Variants in KLF8 observed in about 807,000 individuals in gnomAD.
KLF8 encodes the protein KLF transcription factor 8, also known as Krueppel-like factor 8.
Under a neutral mutation model 18.2 loss-of-function variants are expected in KLF8, and 10 were observed. The observed-to-expected ratio is 0.55, with a 90% confidence interval of 0.34 to 0.93. The LOEUF (loss-of-function observed/expected upper bound fraction) is 0.93, where lower values mean the gene tolerates loss of function less well. KLF8 is among the 40% of genes least tolerant of loss of function. The probability of loss-of-function intolerance (pLI) is 0.02; values close to 1 mark genes in which losing one functional copy is unlikely to be tolerated. For missense variants in KLF8, 264 were observed against 277.9 expected (o/e 0.95, Z 0.36); for synonymous variants, 109 against 97.3 (o/e 1.12, Z -0.71).
chrX:56,030,739 C>T, the KLF8 span, among the ~76,000 whole-genome samples: 2 of 107,544 alleles, frequency 1.9e-5, no homozygotes, highest in Non-Finnish European at 3.8e-5. Context: ...GGCCTCTCTG[C>T]TTGGTAAGGG....
At chrX:56,015,178 AT>A in the KLF8 span, 3 of 111,068 alleles carry the variant, frequency 2.7e-5, no homozygotes, top group Non-Finnish European at 3.8e-5. Flanking sequence ...TAAAAATATA[AT>A]TTTTCCCCAT....
chrX:56,128,160 A>C, the KLF8 span, among the ~76,000 whole-genome samples: 1 of 112,375 alleles, frequency 8.9e-6, no homozygotes, highest in African/African-American at 3.2e-5. Context: ...AGGATATTTA[A>C]AAGAGTATAG....
the KLF8 span, among the ~76,000 whole-genome samples, chrX:56,083,624 G>T: frequency 1.8e-5 from 2 of 111,762 alleles, no homozygotes; most frequent in African/African-American, 6.5e-5. Flanking sequence ...TCTATAGCAG[G>T]AGTCTCCAAC....
the KLF8 span, among the ~76,000 whole-genome samples, chrX:56,202,576 T>A: frequency 7.0e-5 from 2 of 28,467 alleles, no homozygotes; most frequent in African/African-American, 1.0e-4. Flanking sequence ...CCCTCCCACC[T>A]GCACTCCATT....
chrX:56,005,061 G>T, the KLF8 span, among the ~76,000 whole-genome samples: 1 of 105,511 alleles, frequency 9.5e-6, no homozygotes, highest in Non-Finnish European at 1.9e-5. Context: ...ATTATTATTT[G>T]AGATGGAGTC....
the KLF8 span, among the ~76,000 whole-genome samples, chrX:56,073,233 C>G: frequency 9.0e-6 from 1 of 111,491 alleles, no homozygotes; most frequent in African/African-American, 3.3e-5. Context: ...GTGATCCGAC[C>G]GCCTCAGCCT....
the KLF8 span, among the ~76,000 whole-genome samples, chrX:56,155,906 G>A: frequency 9.0e-6 from 1 of 111,487 alleles, no homozygotes; most frequent in South Asian, 3.8e-4. Context: ...GAGAACATGT[G>A]GTGTTTGATT....
At chrX:56,082,928 T>A in the KLF8 span, among the ~76,000 whole-genome samples, 1 of 112,219 alleles carries the variant, frequency 8.9e-6, no homozygotes, top group African/African-American at 3.2e-5. Context: ...CTTTTATATG[T>A]GACAGGTCAC....
the KLF8 span, among the ~76,000 whole-genome samples, chrX:56,093,980 G>A: frequency 9.4e-6 from 1 of 106,044 alleles, no homozygotes; most frequent in Non-Finnish European, 2.0e-5. Flanking sequence ...TAAGAGAGGA[G>A]ATAAATGGAA....
At chrX:56,134,982 G>C in the KLF8 span, among the ~76,000 whole-genome samples, 1 of 110,705 alleles carries the variant, frequency 9.0e-6, no homozygotes, top group Admixed American at 9.7e-5. Context: ...TACTCCCACA[G>C]TGCAATAAAA....
the KLF8 span, among the ~76,000 whole-genome samples, chrX:56,109,148 G>A: frequency 9.0e-6 from 1 of 111,127 alleles, no homozygotes; most frequent in Non-Finnish European, 1.9e-5. Context: ...TGTAATCCCA[G>A]CACTTGGAGA....
At chrX:55,989,273 C>G in the KLF8 span, among the ~76,000 whole-genome samples, 7 of 111,996 alleles carry the variant, frequency 6.3e-5, no homozygotes, top group East Asian at 5.6e-4. Flanking sequence ...GCATCCCTGT[C>G]TTGTGCCAGT....
chrX:56,173,205 T>C, the KLF8 span, among the ~76,000 whole-genome samples: 1 of 111,560 alleles, frequency 9.0e-6, no homozygotes, highest in Non-Finnish European at 1.9e-5. Flanking sequence ...ATGGCCTAGG[T>C]TTTCTTGTAG....
At chrX:56,263,009 A>T (rs992785712) in intron 2 of KLF8, among the ~76,000 whole-genome samples, 4 of 112,044 alleles carry the variant, frequency 3.6e-5, no homozygotes, top group Non-Finnish European at 5.6e-5. Context: ...AAGAGATAAC[A>T]TTTTTTCTTT....
At chrX:56,186,779 G>A in the KLF8 span, among the ~76,000 whole-genome samples, 1 of 111,986 alleles carries the variant, frequency 8.9e-6, no homozygotes, top group Non-Finnish European at 1.9e-5. Flanking sequence ...AATGACTACT[G>A]GGTACATAAC....
At chrX:56,075,797 T>G in the KLF8 span, among the ~76,000 whole-genome samples, 2 of 112,045 alleles carry the variant, frequency 1.8e-5, no homozygotes, top group Non-Finnish European at 3.8e-5. Flanking sequence ...GCTTATTTAC[T>G]TAACATAATG....
At chrX:55,977,265 T>C in the KLF8 span, among the ~76,000 whole-genome samples, 1 of 111,987 alleles carries the variant, frequency 8.9e-6, no homozygotes, top group African/African-American at 3.2e-5. Context: ...TTGCTATATA[T>C]GCCTTTATTA....
chrX:56,081,147 G>A, the KLF8 span, among the ~76,000 whole-genome samples: 757 of 111,689 alleles, frequency 6.8e-3, 7 homozygotes, highest in African/African-American at 0.023. Context: ...CTCTCAGCTT[G>A]TCAAAGTCAT....
At chrX:55,932,941 C>T in the KLF8 span, among the ~76,000 whole-genome samples, 1 of 111,790 alleles carries the variant, frequency 8.9e-6, no homozygotes, top group African/African-American at 3.3e-5. Flanking sequence ...GCACCCTACA[C>T]TTGGGAGAAG....
Sources: allele counts gnomAD v4.1 joint callset (sites outside exome capture counted in the v4.1 genomes callset), GRCh38; gene constraint gnomAD v4.1.1; transcripts MANE v1.5; gene names NCBI Gene and HGNC (gene_info 2026-07-23, HGNC 2026-07-21).